The following LYPLAL1 variants were observed in gnomAD, a reference collection of about 807,000 sequenced individuals.
LYPLAL1 encodes the protein lysophospholipase like 1, also known as lysophospholipase-like protein 1.
A neutral mutation model predicts 19.7 loss-of-function variants in LYPLAL1; 23 were observed. That is an observed-to-expected ratio of 1.17 (90% CI 0.84 to 1.65). The LOEUF (loss-of-function observed/expected upper bound fraction) is 1.65, where lower values mean the gene tolerates loss of function less well. Among genes scored for constraint, LYPLAL1 ranks in the 40% most tolerant of loss-of-function variants. The probability of loss-of-function intolerance (pLI) is 0.00; values close to 1 mark genes in which losing one functional copy is unlikely to be tolerated. For missense variants in LYPLAL1, 355 were observed against 279.4 expected (o/e 1.27, Z -1.93); for synonymous variants, 119 against 96.3 (o/e 1.24, Z -1.38).
the LYPLAL1 span, among the ~76,000 whole-genome samples, chr1:219,432,895 A>G: frequency 6.6e-6 from 1 of 152,188 alleles, no homozygotes; most frequent in Admixed American, 6.5e-5. Context: ...GTAAGAGAGA[A>G]TACTCACACA....
intron 2 of LYPLAL1, among the ~76,000 whole-genome samples, chr1:219,179,972 G>A (rs997151753): frequency 6.6e-6 from 1 of 152,014 alleles, no homozygotes; most frequent in Non-Finnish European, 1.5e-5. Context: ...ATCTGTTCTT[G>A]ATTTTTTTTT....
intron 3 of LYPLAL1, among the ~76,000 whole-genome samples, chr1:219,201,553 T>G (rs1352492818): frequency 6.6e-6 from 1 of 151,796 alleles, no homozygotes. Flanking sequence ...TTATAAAATC[T>G]AAGATTTATT....
At chr1:219,334,025 T>C in the LYPLAL1 span, among the ~76,000 whole-genome samples, 2 of 152,108 alleles carry the variant, frequency 1.3e-5, no homozygotes, top group Non-Finnish European at 2.9e-5. Context: ...TAATGTAAAA[T>C]GTCTATTATT....
At chr1:219,224,716 G>A in the LYPLAL1 span, among the ~76,000 whole-genome samples, 6 of 152,100 alleles carry the variant, frequency 3.9e-5, no homozygotes, top group Admixed American at 3.9e-4. Flanking sequence ...TATTCATGCT[G>A]CTTTTAGCTC....
chr1:219,271,289 A>T, the LYPLAL1 span: 1 of 151,928 alleles, frequency 6.6e-6, no homozygotes, highest in Non-Finnish European at 1.5e-5. Context: ...TCTGTGGGAC[A>T]TGGAGAAACT....
the LYPLAL1 span, among the ~76,000 whole-genome samples, chr1:219,268,821 A>G: frequency 2.2e-4 from 34 of 152,244 alleles, no homozygotes; most frequent in African/African-American, 7.9e-4. Flanking sequence ...ATATTCATCA[A>G]CCTCACAGTC....
chr1:219,365,503 G>A, the LYPLAL1 span, among the ~76,000 whole-genome samples: 49 of 152,192 alleles, frequency 3.2e-4, no homozygotes, highest in African/African-American at 1.2e-3. Context: ...GAGTTTTGTG[G>A]GACTTGCATG....
chr1:219,237,171 C>T, the LYPLAL1 span, among the ~76,000 whole-genome samples: 1 of 152,188 alleles, frequency 6.6e-6, no homozygotes, highest in South Asian at 2.1e-4. Flanking sequence ...TTTCCTACTA[C>T]ACATTTGAGG....
chr1:219,400,988 A>G, the LYPLAL1 span, among the ~76,000 whole-genome samples: 1 of 152,200 alleles, frequency 6.6e-6, no homozygotes, highest in Admixed American at 6.5e-5. Context: ...ATCTCAGTCT[A>G]TATCTCAGTT....
At chr1:219,331,479 A>T in the LYPLAL1 span, among the ~76,000 whole-genome samples, 1 of 152,132 alleles carries the variant, frequency 6.6e-6, no homozygotes, top group African/African-American at 2.4e-5. Flanking sequence ...TCTTCTTTGG[A>T]CTGGTGGACC....
the LYPLAL1 span, among the ~76,000 whole-genome samples, chr1:219,385,556 G>C: frequency 7.3e-6 from 1 of 137,338 alleles, no homozygotes; most frequent in Admixed American, 7.1e-5. Context: ...GTCTATATTT[G>C]TTAAGAAGCT....
In LYPLAL1 at chr1:219,190,820, A is replaced by T. The variant is rs538056541; in HGVS notation, c.192-2262A>T. ...ATGACATCAGTCAGCAATTCCACTT[A>T]TGTGGAGTTTTAGAACAGGCAAAAG... is the stretch of plus-strand genomic sequence containing the variant. On this transcript the variant is annotated intron_variant, in intron 2 of 4. Coordinates refer to ENST00000366928, the MANE Select transcript of LYPLAL1 (RefSeq NM_138794.5). Among the ~76,000 whole-genome samples the T allele has an allele frequency of 4.9e-4, 74 of 151,732 alleles. 1 individual carries two copies. The highest frequency in any genetic ancestry group is 1.7e-3 in the African/African-American group (71 of 41,498).
the LYPLAL1 span, among the ~76,000 whole-genome samples, chr1:219,329,740 G>A: frequency 6.6e-6 from 1 of 152,204 alleles, no homozygotes; most frequent in East Asian, 1.9e-4. Flanking sequence ...GGTCTTAAGA[G>A]GAAATGCAAT....
At chr1:219,380,185 G>A in the LYPLAL1 span, among the ~76,000 whole-genome samples, 1 of 152,224 alleles carries the variant, frequency 6.6e-6, no homozygotes, top group Non-Finnish European at 1.5e-5. Context: ...GTCTTGTGAG[G>A]AGAAGAATCT....
chr1:219,359,709 C>T, the LYPLAL1 span, among the ~76,000 whole-genome samples: 1 of 152,118 alleles, frequency 6.6e-6, no homozygotes, highest in Non-Finnish European at 1.5e-5. Flanking sequence ...ATGAAAATGT[C>T]ACTGAAGGGA....
At chr1:219,229,329 GAGAGAGAGAC>G in the LYPLAL1 span, among the ~76,000 whole-genome samples, 1 of 113,354 alleles carries the variant, frequency 8.8e-6, no homozygotes, top group African/African-American at 3.1e-5. Flanking sequence ...GAGAGAGAGA[GAGAGAGAGAC>G]ACGCAGGCTA....
chr1:219,389,630 G>A, the LYPLAL1 span, among the ~76,000 whole-genome samples: 1 of 152,098 alleles, frequency 6.6e-6, no homozygotes, highest in African/African-American at 2.4e-5. Context: ...GAATGTTTTG[G>A]GTTGTCATGT....
At chr1:219,427,763 G>A in the LYPLAL1 span, among the ~76,000 whole-genome samples, 1 of 152,160 alleles carries the variant, frequency 6.6e-6, no homozygotes, top group African/African-American at 2.4e-5. Context: ...TGAGAGTTTT[G>A]TTTTCCATTT....
the LYPLAL1 span, among the ~76,000 whole-genome samples, chr1:219,386,025 G>A: frequency 6.6e-6 from 1 of 152,162 alleles, no homozygotes; most frequent in Non-Finnish European, 1.5e-5. Context: ...GTGGATGGGG[G>A]ACTCCAAGCA....
Sources: allele counts gnomAD v4.1 joint callset (sites outside exome capture counted in the v4.1 genomes callset), GRCh38; gene constraint gnomAD v4.1.1; transcripts MANE v1.5; gene names NCBI Gene and HGNC (gene_info 2026-07-23, HGNC 2026-07-21).